Variants in HDGFL2 observed in about 807,000 individuals in gnomAD.
HDGFL2 encodes the protein hepatoma-derived growth factor-related protein 2.
In HDGFL2, 36 loss-of-function variants were observed where a neutral mutation model predicts 77.1. The ratio of observed to expected loss-of-function variants is 0.47; its 90% CI spans 0.36 to 0.62. The LOEUF is 0.62. Among genes scored for constraint, HDGFL2 ranks in the 20% least tolerant of loss-of-function variants. The pLI is 0.00. For missense variants in HDGFL2, 976 were observed against 973.4 expected, an observed-to-expected ratio of 1.00 and a Z score of -0.04; for synonymous variants, 463 against 413.1, an observed-to-expected ratio of 1.12 and a Z score of -1.46.
In HDGFL2 at chr19:4,498,376, G is replaced by A. The variant is rs773920938; in HGVS notation, c.1473G>A (p.Pro491=). Residue 491 remains proline, a splice_region_variant and synonymous_variant, in exon 12 of 16, where the codon CCG becomes CCA. Coordinates refer to ENST00000616600, the MANE Select transcript of HDGFL2 (RefSeq NM_001001520.3). ...EIKFALKVDS[P]DVKRCLNALE... ...AGTTTGCCCTAAAGGTCGACAGCCC[G>A]GTAAGACCCTCAGGGCCTGTGAGCC... The A allele has an allele frequency of 6.2e-7, 1 of 1,611,764 alleles. No homozygotes were observed. Among genetic ancestry groups the A allele is most frequent in the African/African-American group, 1.3e-5 (1 of 75,016 alleles).
At chr19:4,496,478 CAG>C in intron 10 of HDGFL2, 73 bp downstream of exon 10, 1 of 1,132,664 alleles carries the variant, frequency 8.8e-7, no homozygotes, top group Non-Finnish European at 1.3e-6. Flanking sequence ...TCACCCCTCA[CAG>C]GGGCAGCCCC....
intron 10 of HDGFL2, chr19:4,497,443 C>G: frequency 3.5e-6 from 1 of 286,190 alleles, no homozygotes; most frequent in South Asian, 3.0e-5. Flanking sequence ...ATGATCCCCC[C>G]GCCTCGGCCT....
intron 3 of HDGFL2, among the ~76,000 whole-genome samples, chr19:4,484,554 C>T (rs1310001750): frequency 2.0e-5 from 3 of 151,322 alleles, no homozygotes; most frequent in Non-Finnish European, 4.4e-5. Flanking sequence ...GGCTGGAGTG[C>T]AGTGGTGCGA....
At position 4,494,191 on chromosome 19, in the gene HDGFL2, A is replaced by G. The variant is rs1975633876; in HGVS notation, c.940A>G (p.Ser314Gly). Residue 314 changes from serine (S) to glycine (G), a missense_variant, in exon 9 of 16, where the codon AGT becomes GGT. Physicochemically the swap from Ser to Gly is moderately conservative, Grantham distance 56. Coordinates refer to ENST00000616600, the MANE Select transcript of HDGFL2 (RefSeq NM_001001520.3). ...TGACAGCGACGAGGTGGACCGCATC[A>G]GTGAGTGGAAGCGGCGGGACGAGGC... is the stretch of plus-strand genomic sequence containing the variant. ...DSDSDEVDRI[S>G]EWKRRDEARR... is the part of the protein sequence containing the mutation. 1.3e-6 allele frequency: 2 copies of G among 1,490,418 alleles called. No homozygotes were observed. The highest frequency in any genetic ancestry group is 1.8e-6 in the Non-Finnish European group (2 of 1,124,028). The allele number at this position is 1,490,418 out of a possible 1,614,324, so 92.3% of individuals were successfully genotyped here.
At position 4,478,688 on chromosome 19, in the gene HDGFL2, GT is replaced by G. The variant is rs112421877; in HGVS notation, c.288+3116del. Among the ~76,000 whole-genome samples, 237 of 143,212 alleles carry G rather than the reference GT, an allele frequency of 1.7e-3. 4 individuals carry two copies. Among genetic ancestry groups the G allele is most frequent in the Non-Finnish European group, 2.0e-3 (132 of 64,598 alleles). 94.0% of individuals were successfully genotyped at this position (143,212 alleles called of 152,430 possible). On this transcript the variant is annotated intron_variant, in intron 3 of 15. Coordinates refer to ENST00000616600, the MANE Select transcript of HDGFL2 (RefSeq NM_001001520.3). ...GCCCAGGTGGGTAGTTGGTTGGTTG[GT>G]TTTTTTTTTTCAGACGGTGTCTCAC...
At chr19:4,497,786 C>A (rs982339884) in intron 10 of HDGFL2, 172 bp from the exon 11 acceptor site, 2 of 614,562 alleles carry the variant, frequency 3.3e-6, no homozygotes, top group South Asian at 3.9e-5. Context: ...CCCTGGTCTG[C>A]CCTAGGCCTA....
chr19:4,473,962 G>A (rs1975007406), intron 1 of HDGFL2, among the ~76,000 whole-genome samples: 1 of 152,030 alleles, frequency 6.6e-6, no homozygotes, highest in African/African-American at 2.4e-5. Flanking sequence ...CCCTTTGGTG[G>A]AAGCTGGGGT....
Position 4,493,853 on chromosome 19 carries a change from A to G in HDGFL2, c.829A>G (p.Arg277Gly). 1 of 1,508,012 alleles carries G rather than the reference A, an allele frequency of 6.6e-7. No homozygotes were observed. The highest frequency in any genetic ancestry group is 8.9e-7 in the Non-Finnish European group (1 of 1,121,734). The allele number at this position is 1,508,012 out of a possible 1,614,324, so 93.4% of individuals were successfully genotyped here. A position where few individuals can be genotyped will look rare whatever the true frequency, so the allele number is the denominator to read the frequency against. Residue 277 changes from arginine (R) to glycine (G), a missense_variant, in exon 7 of 16, where the codon AGG (arginine) becomes GGG (glycine). Transcript: ENST00000616600. ...GTCTGTGAAGAAGCCTCCGAGGGGC[A>G]GGAAGCCAGGTAGGGCCCTCGTGCT... ...DVSVKKPPRGRKPAEKPLPKP... is the reference protein window; with the variant it reads ...DVSVKKPPRGGKPAEKPLPKP...
intron 14 of HDGFL2, among the ~76,000 whole-genome samples, chr19:4,500,495 C>G (rs1412830261): frequency 7.5e-6 from 1 of 132,962 alleles, no homozygotes; most frequent in Non-Finnish European, 1.5e-5. Context: ...GAGTCTTGCT[C>G]TGTCCCCCAG....
chr19:4,472,309 CGCTGCA>C lies in HDGFL2; in HGVS notation c.-39_-34del, dbSNP rs752411182. ...CCGCCGCCGCCGCAGCCGCTACCGC[CGCTGCA>C]GCCGCTTTCCGCGGCCTGGGCCTCT... On this transcript the variant is annotated 5_prime_UTR_variant, in exon 1 of 16. Coordinates refer to ENST00000616600, the MANE Select transcript of HDGFL2 (RefSeq NM_001001520.3). 7.0e-7 allele frequency: 1 copy of C among 1,419,802 alleles called. No individual in the cohort carries two copies. Among genetic ancestry groups the C allele is most frequent in the African/African-American group, 1.5e-5 (1 of 67,228 alleles). 88.0% of individuals were successfully genotyped at this position (1,419,802 alleles called of 1,614,324 possible).
At chr19:4,480,294 T>C (rs1335688747) in intron 3 of HDGFL2, among the ~76,000 whole-genome samples, 1 of 152,124 alleles carries the variant, frequency 6.6e-6, no homozygotes. Flanking sequence ...GCCCCCAGCT[T>C]GCAGGTCCCC....
intron 3 of HDGFL2, among the ~76,000 whole-genome samples, chr19:4,487,395 C>T (rs555972481): frequency 2.6e-5 from 4 of 152,228 alleles, no homozygotes; most frequent in South Asian, 2.1e-4. Flanking sequence ...CAGCTGGGAC[C>T]GCAGGCCCAC....
chr19:4,479,904 TAAAAAA>T (rs11321906), intron 3 of HDGFL2, among the ~76,000 whole-genome samples: 1,389 of 122,036 alleles, frequency 0.011, 19 homozygotes, highest in African/African-American at 0.033. Flanking sequence ...AGACTCTGTC[TAAAAAA>T]AAAAAAAAAA....
At position 4,502,092 on chromosome 19, in the gene HDGFL2, A is replaced by G. The variant is rs10421302; in HGVS notation, c.*82A>G. ...CGGCTCGCAGGAGAGCAGAGCAGAG[A>G]ACTGTGGGGAACGCTGTGCTGTTTG... is the stretch of plus-strand genomic sequence containing the variant. On this transcript the variant is annotated 3_prime_UTR_variant, in exon 16 of 16. Coordinates refer to ENST00000616600, the MANE Select transcript of HDGFL2 (RefSeq NM_001001520.3). 9,168 of 946,104 alleles carry G rather than the reference A, an allele frequency of 9.7e-3. 607 individuals are homozygous for G. In the African/African-American group the frequency reaches 0.13, roughly 14 times the overall value. The allele number at this position is 946,104 out of a possible 1,614,324, so 58.6% of individuals were successfully genotyped here.
chr19:4,481,449 C>T (rs1486251392), intron 3 of HDGFL2, among the ~76,000 whole-genome samples: 1 of 152,032 alleles, frequency 6.6e-6, no homozygotes, highest in Non-Finnish European at 1.5e-5. Flanking sequence ...CTCGGCCTCT[C>T]AAAGTGCTGG....
intron 6 of HDGFL2, among the ~76,000 whole-genome samples, chr19:4,492,526 G>C (rs931342730): frequency 6.6e-6 from 1 of 151,990 alleles, no homozygotes; most frequent in African/African-American, 2.4e-5. Context: ...GTGTTTGTGT[G>C]TCTGTGTGTG....
At chr19:4,494,671 G>C (rs1414852463) in intron 9 of HDGFL2, among the ~76,000 whole-genome samples, 196 bp downstream of exon 9, 3 of 152,196 alleles carry the variant, frequency 2.0e-5, no homozygotes, top group Non-Finnish European at 2.9e-5. Context: ...TGTTATCCCA[G>C]CACTTTGGGC....
Position 4,496,444 on chromosome 19 carries a change from G to A in HDGFL2, c.1328+39G>A, listed in dbSNP as rs370721476. 2.8e-5 allele frequency: 42 copies of A among 1,494,884 alleles called. 1 individual carries two copies. The East Asian group carries it at 3.0e-4, about 11-fold the overall frequency. The allele number at this position is 1,494,884 out of a possible 1,614,324, so 92.6% of individuals were successfully genotyped here. ...TGCCCCTCCACACCCTGGGGGCCCCGCACCCCGCATCACCCCACAACCCTC... is the reference window on the plus strand; with the variant it reads ...TGCCCCTCCACACCCTGGGGGCCCCACACCCCGCATCACCCCACAACCCTC... On this transcript the variant is annotated intron_variant, in intron 10 of 15. Transcript: ENST00000616600.
At chr19:4,500,023 C>G (rs1293167430) in intron 14 of HDGFL2, among the ~76,000 whole-genome samples, 3 of 123,872 alleles carry the variant, frequency 2.4e-5, no homozygotes, top group African/African-American at 9.5e-5. Context: ...AGGGGGGTGG[C>G]TCTGTGCAGC....
Sources: gnomAD v4.1 joint callset for allele counts (sites outside exome capture counted in the v4.1 genomes callset) on GRCh38, gnomAD v4.1.1 for gene constraint, MANE v1.5 for transcripts, NCBI Gene and HGNC (gene_info 2026-07-23, HGNC 2026-07-21) for gene names.